The following COL23A1 variants were observed in gnomAD, a reference collection of about 807,000 sequenced individuals.
COL23A1 encodes collagen alpha-1(XXIII) chain.
A neutral mutation model predicts 99.3 loss-of-function variants in COL23A1; 97 were observed. That is an observed-to-expected ratio of 0.98 (90% CI 0.83 to 1.16). COL23A1 has a LOEUF of 1.16. Among genes scored for constraint, COL23A1 ranks in the 50% most tolerant of loss-of-function variants. The pLI is 0.00. For missense variants in COL23A1, 762 were observed against 757.4 expected (o/e 1.01, Z -0.07); for synonymous variants, 320 against 308.2 (o/e 1.04, Z -0.40).
In COL23A1 at chr5:178,387,445, C is replaced by T. The variant is rs931068365; in HGVS notation, c.362-80526G>A. Among the ~76,000 whole-genome samples the T allele has an allele frequency of 4.6e-5, 7 of 152,250 alleles. No homozygotes were observed. The highest frequency in any genetic ancestry group is 1.4e-4 in the African/African-American group (6 of 41,552). ...AGCGCTCCTCCCGAAACCCACCCAC[C>T]GGACATGTTCCTGCTGCCCTCCTGC... is the stretch of plus-strand genomic sequence containing the variant. On this transcript the variant is annotated intron_variant, in intron 2 of 28. Coordinates refer to ENST00000390654, the MANE Select transcript of COL23A1 (RefSeq NM_173465.4). This position sits in a 1 kb window ranked among gnomAD's most constrained non-coding sequence, Gnocchi z 4.7.
intron 2 of COL23A1, among the ~76,000 whole-genome samples, chr5:178,501,724 T>G (rs185529519): frequency 4.1e-4 from 62 of 152,278 alleles, no homozygotes; most frequent in African/African-American, 1.5e-3. Flanking sequence ...CCTGCTGGGG[T>G]AGCCTCAGAC....
At chr5:178,508,146 C>T (rs925537869) in intron 2 of COL23A1, among the ~76,000 whole-genome samples, 1 of 151,802 alleles carries the variant, frequency 6.6e-6, no homozygotes, top group Non-Finnish European at 1.5e-5. Flanking sequence ...CTGTTGATAC[C>T]ATCTTTTGAG....
rs1288540631 is a variant in COL23A1 at position 178,366,405 on chromosome 5, C to G, written c.362-59486G>C. ...CACCTGGTCGCTGGGGTCTGTCTTC[C>G]CAGCTCCCATCCGCCCTTCCCTGCA... is the stretch of plus-strand genomic sequence containing the variant. On this transcript the variant is annotated intron_variant, in intron 2 of 28. Transcript: ENST00000390654. The surrounding 1 kb of genome is among the most constrained non-coding windows in gnomAD (Gnocchi z 4.4). Among the ~76,000 whole-genome samples, 1 of 152,212 alleles carries G rather than the reference C, an allele frequency of 6.6e-6. No homozygotes were observed. The highest frequency in any genetic ancestry group is 1.5e-5 in the Non-Finnish European group (1 of 68,036).
chr5:178,523,278 A>C (rs866363148), intron 2 of COL23A1, among the ~76,000 whole-genome samples: 4,346 of 121,154 alleles, frequency 0.036, 239 homozygotes, highest in African/African-American at 0.12. Flanking sequence ...AGAGAGAGAG[A>C]GCGCTAGGTG....
intron 2 of COL23A1, among the ~76,000 whole-genome samples, chr5:178,379,390 T>C (rs1763252669): frequency 6.6e-6 from 1 of 152,180 alleles, no homozygotes; most frequent in Non-Finnish European, 1.5e-5. Context: ...TGTGTGTACA[T>C]GCAGAGAAAG....
chr5:178,336,326 G>A (rs944249353), intron 2 of COL23A1, among the ~76,000 whole-genome samples: 1 of 152,214 alleles, frequency 6.6e-6, no homozygotes, highest in Admixed American at 6.5e-5. Flanking sequence ...CCGAAAGGCA[G>A]AAACAACCCA....
intron 1 of COL23A1, among the ~76,000 whole-genome samples, chr5:178,565,568 T>A (rs915209296): frequency 2.0e-5 from 3 of 152,118 alleles, no homozygotes; most frequent in African/African-American, 7.2e-5. Flanking sequence ...TGATAACAAA[T>A]ACAACTGAAG....
rs1307834650 is a variant in COL23A1 at position 178,589,132 on chromosome 5, C to G, written c.294+772G>C. Among the ~76,000 whole-genome samples the G allele has an allele frequency of 6.6e-6, 1 of 152,154 alleles. No homozygotes were observed. The highest frequency in any genetic ancestry group is 1.5e-5 in the Non-Finnish European group (1 of 68,020). On this transcript the variant is annotated intron_variant, in intron 1 of 28. Coordinates refer to ENST00000390654, the MANE Select transcript of COL23A1 (RefSeq NM_173465.4). The surrounding 1 kb of genome is among the most constrained non-coding windows in gnomAD (Gnocchi z 5.4). ...CTCTTTCTTTGAAGACACACAGCAGCAATCTTAACCCTTAGAAGTGTCACA... is the reference window on the plus strand; with the variant it reads ...CTCTTTCTTTGAAGACACACAGCAGGAATCTTAACCCTTAGAAGTGTCACA...
At chr5:178,476,806 A>G (rs1156940224) in intron 2 of COL23A1, among the ~76,000 whole-genome samples, 4 of 152,218 alleles carry the variant, frequency 2.6e-5, no homozygotes, top group Admixed American at 6.5e-5. Flanking sequence ...TCCTAGGTGC[A>G]ATGTCATCTC....
chr5:178,551,634 T>C (rs992299306), intron 2 of COL23A1, among the ~76,000 whole-genome samples: 1 of 152,134 alleles, frequency 6.6e-6, no homozygotes, highest in Non-Finnish European at 1.5e-5. Context: ...TCACAGCTGT[T>C]CCCGGCTATC....
At chr5:178,423,307 C>T (rs1158185402) in intron 2 of COL23A1, among the ~76,000 whole-genome samples, 3 of 152,106 alleles carry the variant, frequency 2.0e-5, no homozygotes, top group African/African-American at 4.8e-5. Flanking sequence ...TTTGATCTTT[C>T]ACTGGGCTAG....
chr5:178,541,446 G>C (rs553533399), intron 2 of COL23A1, among the ~76,000 whole-genome samples: 1 of 152,232 alleles, frequency 6.6e-6, no homozygotes, highest in African/African-American at 2.4e-5. Flanking sequence ...AAATTAGCCG[G>C]GTGTGGTGGT....
At chr5:178,506,549 C>T (rs940913479) in intron 2 of COL23A1, among the ~76,000 whole-genome samples, 5 of 152,208 alleles carry the variant, frequency 3.3e-5, no homozygotes, top group African/African-American at 1.2e-4. Flanking sequence ...GAAGTAGGGT[C>T]TGGATGGGAG....
chr5:178,255,126 G>T lies in COL23A1; in HGVS notation c.883-100C>A. On this transcript the variant is annotated intron_variant, in intron 15 of 28. Transcript: ENST00000390654. The surrounding 1 kb of genome is among the most constrained non-coding windows in gnomAD (Gnocchi z 4.2). Reference sequence around the variant, plus strand: ...CATCACATCCAGAGAGAAAGCAATGGAAGAGCCTCGTCACCCAGGCTGCAC... The same window carrying T: ...CATCACATCCAGAGAGAAAGCAATGTAAGAGCCTCGTCACCCAGGCTGCAC... The T allele has an allele frequency of 1.0e-6, 1 of 990,288 alleles. No homozygotes were observed. The highest frequency in any genetic ancestry group is 1.3e-5 in the South Asian group (1 of 74,488). The allele number at this position is 990,288 out of a possible 1,614,324, so 61.3% of individuals were successfully genotyped here. A position where few individuals can be genotyped will look rare whatever the true frequency, so the allele number is the denominator to read the frequency against.
intron 2 of COL23A1, among the ~76,000 whole-genome samples, chr5:178,448,624 G>A (rs1392276824): frequency 6.6e-6 from 1 of 152,230 alleles, no homozygotes; most frequent in Non-Finnish European, 1.5e-5. Context: ...GAGAGAGCAA[G>A]AAGGGACCAA....
At chr5:178,452,109 T>G (rs1767523241) in intron 2 of COL23A1, among the ~76,000 whole-genome samples, 1 of 152,084 alleles carries the variant, frequency 6.6e-6, no homozygotes. Context: ...GATACCACGA[T>G]GTATTATAAA....
chr5:178,442,746 G>A (rs536153580), intron 2 of COL23A1, among the ~76,000 whole-genome samples: 67 of 152,352 alleles, frequency 4.4e-4, no homozygotes, highest in African/African-American at 1.4e-3. Context: ...GAGCACAGGC[G>A]CCAAGACCTG....
chr5:178,458,706 A>G (rs1489540594), intron 2 of COL23A1, among the ~76,000 whole-genome samples: 1 of 152,178 alleles, frequency 6.6e-6, no homozygotes, highest in Admixed American at 6.5e-5. Context: ...AACGAAGAAG[A>G]GTAAAAGGAT....
intron 2 of COL23A1, among the ~76,000 whole-genome samples, chr5:178,319,072 A>G (rs1186208417): frequency 6.6e-6 from 1 of 151,380 alleles, no homozygotes; most frequent in African/African-American, 2.4e-5. Flanking sequence ...GCCATGGTGC[A>G]GGCTGTGTCG....
Sources: gnomAD v4.1 joint callset for allele counts (sites outside exome capture counted in the v4.1 genomes callset) on GRCh38, gnomAD v4.1.1 for gene constraint, Gnocchi (gnomAD v3.1) non-coding constraint, MANE v1.5 for transcripts, NCBI Gene and HGNC (gene_info 2026-07-23, HGNC 2026-07-21) for gene names.